The following NMRK1 variants were observed in gnomAD, a reference collection of about 807,000 sequenced individuals.
NMRK1 encodes nicotinamide riboside kinase 1.
A neutral mutation model predicts 29.9 loss-of-function variants in NMRK1; 28 were observed. The ratio of observed to expected loss-of-function variants is 0.94; its 90% CI spans 0.69 to 1.28. NMRK1 has a LOEUF of 1.28. Among genes scored for constraint, NMRK1 ranks in the 50% most tolerant of loss-of-function variants. The pLI, the probability that NMRK1 is intolerant of heterozygous loss-of-function variation, is 0.00. For synonymous variants in NMRK1, 58 were observed against 73.0 expected (o/e 0.79, Z 1.05); for missense variants, 218 against 233.1 (o/e 0.94, Z 0.42).
intron 2 of NMRK1, among the ~76,000 whole-genome samples, chr9:75,079,335 C>G (rs756542828): frequency 1.2e-4 from 18 of 152,200 alleles, no homozygotes; most frequent in Non-Finnish European, 1.8e-4. Flanking sequence ...ACAAAAATGT[C>G]TGTAAACCAT....
intron 7 of NMRK1, among the ~76,000 whole-genome samples, chr9:75,068,142 C>T (rs901607541): frequency 1.3e-5 from 2 of 152,132 alleles, no homozygotes; most frequent in African/African-American, 4.8e-5. Flanking sequence ...CATCTTCCCG[C>T]CCCCTCCATA....
chr9:75,077,660 G>C (rs1824079869), intron 2 of NMRK1, 80 bp from the exon 3 acceptor site: 1 of 980,482 alleles, frequency 1.0e-6, no homozygotes, highest in Non-Finnish European at 1.6e-6. Context: ...TTGAGAGACA[G>C]GGTCTCGCTG....
At chr9:75,080,375 G>C (rs577256059) in intron 2 of NMRK1, among the ~76,000 whole-genome samples, 13 of 152,126 alleles carry the variant, frequency 8.5e-5, no homozygotes, top group Non-Finnish European at 1.5e-4. Flanking sequence ...TCCCTGGCCG[G>C]GTACGGTGAC....
Position 75,077,186 on chromosome 9 carries a change from C to G in NMRK1, c.142G>C (p.Asp48His). The change falls in exon 4 of 9, where the codon GAT (aspartate) becomes CAT (histidine). Residue 48 changes from aspartate (D) to histidine (H), a missense_variant. Physicochemically the swap from Asp to His is moderately conservative, Grantham distance 81. Transcript: ENST00000361092. ...FFKPESEIET[D>H]KNGFLQYDVL... ...TCGTACTGCAAAAATCCATTTTTAT[C>G]TGTCTCTATCTCAGACTCTGGCTGG... The G allele has an allele frequency of 3.1e-6, 5 of 1,596,048 alleles. No homozygotes were observed. The highest frequency in any genetic ancestry group is 4.3e-6 in the Non-Finnish European group (5 of 1,166,196).
intron 3 of NMRK1, 76 bp from the exon 4 acceptor site, chr9:75,077,283 A>G: frequency 9.4e-7 from 1 of 1,061,622 alleles, no homozygotes; most frequent in South Asian, 1.4e-5. Context: ...AAAAGGAGAG[A>G]AGTCTTTAAT....
chr9:75,083,688 G>A (rs537870625), intron 1 of NMRK1, among the ~76,000 whole-genome samples: 6 of 152,292 alleles, frequency 3.9e-5, no homozygotes, highest in East Asian at 1.9e-4. Flanking sequence ...AGCTAATGCC[G>A]TTTAAAGACA....
intron 4 of NMRK1, 72 bp downstream of exon 4, chr9:75,077,087 T>G (rs778500139): frequency 1.4e-5 from 13 of 905,308 alleles, no homozygotes; most frequent in Non-Finnish European, 2.1e-5. Flanking sequence ...AACTTCAACA[T>G]AGTGAAGTTC....
chr9:75,069,748 C>T lies in NMRK1; in HGVS notation c.383G>A (p.Arg128Lys), dbSNP rs1366181582. 4 of 1,610,232 alleles carry T rather than the reference C, an allele frequency of 2.5e-6. No individual in the cohort carries two copies. Among genetic ancestry groups the T allele is most frequent in the African/African-American group, 1.3e-5 (1 of 74,796 alleles). The change falls in exon 6 of 9, where the codon AGG (arginine) becomes AAG (lysine). Residue 128 changes from arginine to lysine, a missense_variant. Transcript: ENST00000361092. Reference sequence around the variant, plus strand: ...AGATGGCTTCAAAACTTACCTCCTCCTCCTTTTACATTCTTCATATGGAAT... The same window carrying T: ...AGATGGCTTCAAAACTTACCTCCTCTTCCTTTTACATTCTTCATATGGAAT... ...LTIPYEECKR[R>K]RSTRVYQPPD...
chr9:75,080,671 C>G (rs1199960979), intron 2 of NMRK1, among the ~76,000 whole-genome samples: 4 of 152,156 alleles, frequency 2.6e-5, no homozygotes, highest in Non-Finnish European at 5.9e-5. Flanking sequence ...GATCCCCAAG[C>G]TGGAGGTGGG....
At chr9:75,069,599 T>C (rs1365347232) in intron 6 of NMRK1, 143 bp downstream of exon 6, 1 of 674,948 alleles carries the variant, frequency 1.5e-6, no homozygotes, top group African/African-American at 1.9e-5. Flanking sequence ...TGGAAAAGAG[T>C]TTTGCTCCTT....
chr9:75,085,738 T>TG (rs1271602436), intron 1 of NMRK1, among the ~76,000 whole-genome samples: 4 of 150,024 alleles, frequency 2.7e-5, no homozygotes, highest in South Asian at 2.1e-4. Context: ...TTTTTTTTTT[T>TG]TTTTTTTTTT....
rs775188773 is a variant in NMRK1, at chr9:75,081,392, AGACCAACCTG to A, written c.29+1685_29+1694del. Among the ~76,000 whole-genome samples the A allele has an allele frequency of 8.7e-4, 133 of 152,332 alleles. 1 individual carries two copies. The highest frequency in any genetic ancestry group is 2.9e-4 in the Non-Finnish European group (20 of 68,034). On this transcript the variant is annotated intron_variant, in intron 2 of 8. Coordinates refer to ENST00000361092, the MANE Select transcript of NMRK1 (RefSeq NM_017881.3). The stretch of plus-strand genomic sequence containing the variant: ...AAGATTGTTTGAGGTCAGGAGTTCA[AGACCAACCTG>A]GATAACATAGTGAGACCCTGTTTCT...
chr9:75,075,544 G>A (rs1164291001), intron 4 of NMRK1, among the ~76,000 whole-genome samples: 2 of 152,154 alleles, frequency 1.3e-5, no homozygotes, highest in Non-Finnish European at 2.9e-5. Flanking sequence ...GTTTGTGTAA[G>A]TATTCAATGA....
At position 75,077,154 on chromosome 9, in the gene NMRK1, C is replaced by T; in HGVS notation, c.169+5G>A. ...ATATAATATTTGACAAGTAAATCTA[C>T]TTACCATCGTACTGCAAAAATCCAT... On this transcript the variant is annotated splice_donor_5th_base_variant and intron_variant, in intron 4 of 8. Transcript: ENST00000361092. 6.5e-7 allele frequency: 1 copy of T among 1,544,444 alleles called. No homozygotes were observed. The highest frequency in any genetic ancestry group is 8.9e-7 in the Non-Finnish European group (1 of 1,123,066).
chr9:75,071,709 T>A (rs1372022852), intron 4 of NMRK1, among the ~76,000 whole-genome samples: 3 of 152,208 alleles, frequency 2.0e-5, no homozygotes, highest in African/African-American at 7.2e-5. Context: ...GCTGATGCTG[T>A]GTTGTGGGGG....
intron 2 of NMRK1, 32 bp from the exon 3 acceptor site, chr9:75,077,612 G>T: frequency 2.7e-6 from 4 of 1,467,756 alleles, no homozygotes; most frequent in Non-Finnish European, 3.8e-6. Context: ...GTACCAAGAA[G>T]GAAAATGCAT....
intron 8 of NMRK1, among the ~76,000 whole-genome samples, chr9:75,063,311 A>G (rs1823143891): frequency 6.6e-6 from 1 of 150,918 alleles, no homozygotes; most frequent in Non-Finnish European, 1.5e-5. Context: ...ATCTCAAAAA[A>G]AAAAAAAAAG....
rs1300455794 is a variant in NMRK1, at chr9:75,062,304, AT to A, written c.581-738del. 2.6e-5 allele frequency among the ~76,000 whole-genome samples: 4 copies of A among 151,552 alleles called. No homozygotes were observed. The East Asian group carries it at 7.7e-4, about 29-fold the overall frequency. ...GACTACTGTACCAGATAATTATACTATAATTTTATAATGAGATTATATTTTA... is the reference window on the plus strand; with the variant it reads ...GACTACTGTACCAGATAATTATACTAAATTTTATAATGAGATTATATTTTA... On this transcript the variant is annotated intron_variant, in intron 8 of 8. Coordinates refer to ENST00000361092, the MANE Select transcript of NMRK1 (RefSeq NM_017881.3).
At chr9:75,077,676 C>T (rs1587391632) in intron 2 of NMRK1, 96 bp from the exon 3 acceptor site, 1 of 850,526 alleles carries the variant, frequency 1.2e-6, no homozygotes, top group East Asian at 2.7e-5. Context: ...CGCTGTGTCA[C>T]CAAGGCTGGA....
Sources: allele counts gnomAD v4.1 joint callset (sites outside exome capture counted in the v4.1 genomes callset), GRCh38; gene constraint gnomAD v4.1.1; transcripts MANE v1.5; gene names NCBI Gene and HGNC (gene_info 2026-07-23, HGNC 2026-07-21).